RAP1B: variants seen among roughly 807,000 people sequenced by gnomAD.
RAP1B encodes RAP1B, member of RAS oncogene family.
In RAP1B, 1 loss-of-function variant was observed where a neutral mutation model predicts 27.5. The observed-to-expected ratio is 0.04, with a 90% CI of 0.01 to 0.17. The LOEUF (loss-of-function observed/expected upper bound fraction) is 0.17. Ranked by LOEUF, RAP1B falls within the 10% of genes least tolerant of loss-of-function variation. RAP1B has a pLI of 1.00. For missense variants in RAP1B, 84 were observed against 214.8 expected, an observed-to-expected ratio of 0.39 and a Z score of 3.81; for synonymous variants, 75 against 73.1, an observed-to-expected ratio of 1.03 and a Z score of -0.13.
At chr12:68,630,192 TG>T (rs1169240356) in intron 1 of RAP1B, among the ~76,000 whole-genome samples, 1 of 152,234 alleles carries the variant, frequency 6.6e-6, no homozygotes, top group Admixed American at 6.5e-5. Flanking sequence ...GGTCTATCCT[TG>T]TCTCTTCCAG....
chr12:68,615,579 A>T (rs911954957), intron 1 of RAP1B, among the ~76,000 whole-genome samples: 5 of 151,534 alleles, frequency 3.3e-5, no homozygotes, highest in Non-Finnish European at 5.9e-5. Context: ...ACAGAGTGAG[A>T]CTGTCAAAAA....
Position 68,669,028 on chromosome 12 carries a change from C to T in RAP1B, c.*9779C>T, listed in dbSNP as rs1041900492. 23 of 152,246 alleles carry T rather than the reference C, an allele frequency of 1.5e-4. No individual in the cohort carries two copies. Among genetic ancestry groups the T allele is most frequent in the Non-Finnish European group, 2.9e-4 (20 of 68,006 alleles). 9.4% of individuals were successfully genotyped at this position (152,246 alleles called of 1,614,324 possible). A position where few individuals can be genotyped will look rare whatever the true frequency, so the allele number is the denominator to read the frequency against. On this transcript the variant is annotated 3_prime_UTR_variant, in exon 8 of 8. Transcript: ENST00000250559. ...ATATAGACACTGGAAAATAAAATTA[C>T]TTTTGCTTGTATTATAAGTGAATAC...
intron 5 of RAP1B, among the ~76,000 whole-genome samples, chr12:68,655,322 A>G (rs111831590): frequency 6.6e-6 from 1 of 152,244 alleles, no homozygotes; most frequent in Non-Finnish European, 1.5e-5. Context: ...CTGTCTCAAA[A>G]TAAATACATA....
In RAP1B at chr12:68,661,456, C is replaced by G. The variant is rs575305018; in HGVS notation, c.*2207C>G. Reference sequence around the variant, plus strand: ...TAAGTACTTAAGTATAAAAATTGTTCTAGGCCTAAGGATGTAGCAGCAACC... The same window carrying G: ...TAAGTACTTAAGTATAAAAATTGTTGTAGGCCTAAGGATGTAGCAGCAACC... On this transcript the variant is annotated 3_prime_UTR_variant, in exon 8 of 8. Transcript: ENST00000250559. The G allele has an allele frequency of 3.4e-4, 52 of 152,176 alleles. 2 individuals are homozygous for G. Among genetic ancestry groups the G allele is most frequent in the Non-Finnish European group, 2.9e-5 (2 of 68,016 alleles). 9.4% of individuals were successfully genotyped at this position (152,176 alleles called of 1,614,324 possible). A position where few individuals can be genotyped will look rare whatever the true frequency, so the allele number is the denominator to read the frequency against.
At position 68,612,096 on chromosome 12, in the gene RAP1B, A is replaced by C. The variant is rs539878232; in HGVS notation, c.-27+1053A>C. ...CTGTGTTGCAGTAAGGGGAAATCAC[A>C]TTTTTACGGGGTAGAAAGTTGACAC... On this transcript the variant is annotated intron_variant, in intron 1 of 7. Coordinates refer to ENST00000250559, the MANE Select transcript of RAP1B (RefSeq NM_001010942.3). Among the ~76,000 whole-genome samples the C allele has an allele frequency of 3.3e-5, 5 of 152,270 alleles. No individual in the cohort carries two copies. In the South Asian group the frequency reaches 1.0e-3, roughly 32 times the overall value.
At chr12:68,643,772 G>A (rs1231534129) in intron 1 of RAP1B, among the ~76,000 whole-genome samples, 1 of 151,908 alleles carries the variant, frequency 6.6e-6, no homozygotes, top group Non-Finnish European at 1.5e-5. Flanking sequence ...TAATAATATT[G>A]GGGTAGTTAT....
chr12:68,665,728 T>G lies in RAP1B; in HGVS notation c.*6479T>G, dbSNP rs1441100077. On this transcript the variant is annotated 3_prime_UTR_variant, in exon 8 of 8. Transcript: ENST00000250559. ...TGAATTTGCTACAAATGTAAGGAGATGATGGGATAGTTTTTGGAAATACCA... is the reference window on the plus strand; with the variant it reads ...TGAATTTGCTACAAATGTAAGGAGAGGATGGGATAGTTTTTGGAAATACCA... 6.6e-6 allele frequency: 1 copy of G among 152,218 alleles called. No individual in the cohort carries two copies. The allele number at this position is 152,218 out of a possible 1,614,324, so 9.4% of individuals were successfully genotyped here.
chr12:68,643,447 ATTTC>A (rs1449090744), intron 1 of RAP1B, among the ~76,000 whole-genome samples: 2 of 152,200 alleles, frequency 1.3e-5, no homozygotes, highest in African/African-American at 4.8e-5. Flanking sequence ...TACATTGAGT[ATTTC>A]TTTTTCTATA....
rs1397047295 is a variant in RAP1B, at chr12:68,610,928, C to A, written c.-142C>A. On this transcript the variant is annotated 5_prime_UTR_variant, in exon 1 of 8. Transcript: ENST00000250559. ...TCGCCAAACCTCGCCCAGATTCAGG[C>A]GTGTAAACCAGCCGGAGCGGCGCGG... 2 of 308,168 alleles carry A rather than the reference C, an allele frequency of 6.5e-6. No homozygotes were observed. Among genetic ancestry groups the A allele is most frequent in the African/African-American group, 2.2e-5 (1 of 44,996 alleles). 19.1% of individuals were successfully genotyped at this position (308,168 alleles called of 1,614,324 possible). A position where few individuals can be genotyped will look rare whatever the true frequency, so the allele number is the denominator to read the frequency against.
Position 68,663,685 on chromosome 12 carries a change from G to T in RAP1B, c.*4436G>T, listed in dbSNP as rs1874725440. ...AAACATCCCTGTTGGTGGCCTGTAG[G>T]TTACTGACCTTAGGAATTACAGGCT... On this transcript the variant is annotated 3_prime_UTR_variant, in exon 8 of 8. Coordinates refer to ENST00000250559, the MANE Select transcript of RAP1B (RefSeq NM_001010942.3). 6.6e-6 allele frequency: 1 copy of T among 152,134 alleles called. No individual in the cohort carries two copies. Among genetic ancestry groups the T allele is most frequent in the South Asian group, 2.1e-4 (1 of 4,830 alleles). The allele number at this position is 152,134 out of a possible 1,614,324, so 9.4% of individuals were successfully genotyped here.
Position 68,642,953 on chromosome 12 carries a change from A to C in RAP1B, c.-26-5746A>C, listed in dbSNP as rs1006069945. The C allele has an allele frequency of 4.7e-6, 4 of 842,872 alleles. No homozygotes were observed. In the Admixed American group the frequency reaches 6.8e-5, roughly 14 times the overall value. The allele number at this position is 842,872 out of a possible 1,614,324, so 52.2% of individuals were successfully genotyped here. A position where few individuals can be genotyped will look rare whatever the true frequency, so the allele number is the denominator to read the frequency against. ...CTGGGGTATGATCTCTGCAAAAGCT[A>C]CTCAGTCAGTGGTTTTTAGAGCAAG... On this transcript the variant is annotated intron_variant, in intron 1 of 7. Coordinates refer to ENST00000250559, the MANE Select transcript of RAP1B (RefSeq NM_001010942.3).
At chr12:68,643,439 C>T (rs371753198) in intron 1 of RAP1B, among the ~76,000 whole-genome samples, 1 of 152,100 alleles carries the variant, frequency 6.6e-6, no homozygotes, top group Non-Finnish European at 1.5e-5. Flanking sequence ...TCAGTATTTA[C>T]ATTGAGTATT....
At chr12:68,642,264 A>G (rs1316921752) in intron 1 of RAP1B, among the ~76,000 whole-genome samples, 2 of 152,212 alleles carry the variant, frequency 1.3e-5, no homozygotes, top group African/African-American at 4.8e-5. Context: ...TTTATAAGGA[A>G]TACCATAAAG....
Position 68,648,790 on chromosome 12 carries a change from T to C in RAP1B, c.57+9T>C, listed in dbSNP as rs757110425. On this transcript the variant is annotated intron_variant, in intron 2 of 7. Coordinates refer to ENST00000250559, the MANE Select transcript of RAP1B (RefSeq NM_001010942.3). The stretch of plus-strand genomic sequence containing the variant: ...TTGGAAAGTCTGCTTTGGTAAGTCA[T>C]TCTTACTTTACCTAAGCCTTTCACT... 1 of 1,607,920 alleles carries C rather than the reference T, an allele frequency of 6.2e-7. No homozygotes were observed. The highest frequency in any genetic ancestry group is 1.1e-5 in the South Asian group (1 of 89,966).
chr12:68,634,596 T>TTA (rs1422523797), intron 1 of RAP1B, among the ~76,000 whole-genome samples: 1 of 152,054 alleles, frequency 6.6e-6, no homozygotes, highest in Non-Finnish European at 1.5e-5. Context: ...TTTTTTTTTT[T>TTA]ACCTGTTTTT....
intron 1 of RAP1B, among the ~76,000 whole-genome samples, chr12:68,634,133 G>A (rs1046998889): frequency 6.6e-6 from 1 of 152,060 alleles, no homozygotes; most frequent in African/African-American, 2.4e-5. Context: ...ATATGCTATT[G>A]AAGTCCTTTA....
At chr12:68,646,104 C>T (rs1873388052) in intron 1 of RAP1B, among the ~76,000 whole-genome samples, 1 of 152,188 alleles carries the variant, frequency 6.6e-6, no homozygotes. Context: ...AAGTGTAGCT[C>T]CCACAGCCAA....
intron 1 of RAP1B, among the ~76,000 whole-genome samples, chr12:68,622,583 CAG>C (rs1297046409): frequency 6.6e-6 from 1 of 152,212 alleles, no homozygotes; most frequent in Non-Finnish European, 1.5e-5. Flanking sequence ...GTCACATTTA[CAG>C]AGTTTTTTCC....
At position 68,667,406 on chromosome 12, in the gene RAP1B, T is replaced by C. The variant is rs1874901373; in HGVS notation, c.*8157T>C. On this transcript the variant is annotated 3_prime_UTR_variant, in exon 8 of 8. Coordinates refer to ENST00000250559, the MANE Select transcript of RAP1B (RefSeq NM_001010942.3). ...AGGAATGGACAGGCCCAGAATTAAATGATAAAAACTCATCTGGTTGGAATG... is the reference window on the plus strand; with the variant it reads ...AGGAATGGACAGGCCCAGAATTAAACGATAAAAACTCATCTGGTTGGAATG... 1 of 152,210 alleles carries C rather than the reference T, an allele frequency of 6.6e-6. No individual in the cohort carries two copies. Among genetic ancestry groups the C allele is most frequent in the African/African-American group, 2.4e-5 (1 of 41,458 alleles). 9.4% of individuals were successfully genotyped at this position (152,210 alleles called of 1,614,324 possible). A position where few individuals can be genotyped will look rare whatever the true frequency, so the allele number is the denominator to read the frequency against.
Sources: gnomAD v4.1 joint callset for allele counts (sites outside exome capture counted in the v4.1 genomes callset) on GRCh38, gnomAD v4.1.1 for gene constraint, MANE v1.5 for transcripts, NCBI Gene and HGNC (gene_info 2026-07-23, HGNC 2026-07-21) for gene names.